Variants in UVRAG observed in about 807,000 individuals in gnomAD.
The protein encoded by UVRAG is UV radiation resistance associated, also known as UV radiation resistance-associated gene protein.
Under a neutral mutation model 78.0 loss-of-function variants are expected in UVRAG, and 19 were observed. The observed-to-expected ratio is 0.24, with a 90% confidence interval of 0.17 to 0.36. The LOEUF (loss-of-function observed/expected upper bound fraction) is 0.36. Ranked by LOEUF, UVRAG falls within the 10% of genes least tolerant of loss-of-function variation. UVRAG has a pLI of 1.00. For synonymous variants in UVRAG, 323 were observed against 324.6 expected, an observed-to-expected ratio of 1.00 and a Z score of 0.05; for missense variants, 740 against 853.8, an observed-to-expected ratio of 0.87 and a Z score of 1.66.
At chr11:75,876,996 CCTTCCG>C (rs1946797322) in intron 3 of UVRAG, among the ~76,000 whole-genome samples, 1 of 151,024 alleles carries the variant, frequency 6.6e-6, no homozygotes, top group Non-Finnish European at 1.5e-5. Context: ...GACCCTGCGG[CCTTCCG>C]CAGTGTTTGT....
At chr11:76,091,343 G>A (rs1043892161) in intron 13 of UVRAG, among the ~76,000 whole-genome samples, 1 of 152,136 alleles carries the variant, frequency 6.6e-6, no homozygotes, top group African/African-American at 2.4e-5. Flanking sequence ...TGAAATCTCA[G>A]ACTGATAAGT....
At chr11:76,001,989 A>G (rs1222397231) in intron 8 of UVRAG, among the ~76,000 whole-genome samples, 3 of 152,336 alleles carry the variant, frequency 2.0e-5, no homozygotes, top group Non-Finnish European at 4.4e-5. Flanking sequence ...AGAAATTTAT[A>G]TGAGAAGCAG....
At chr11:75,830,563 G>A (rs1429154945) in intron 1 of UVRAG, among the ~76,000 whole-genome samples, 2 of 152,004 alleles carry the variant, frequency 1.3e-5, no homozygotes, top group Non-Finnish European at 2.9e-5. Flanking sequence ...GAGCCACTGC[G>A]CCCGGCCGTA....
chr11:76,041,685 T>TAAG (rs1293596854), intron 12 of UVRAG, among the ~76,000 whole-genome samples: 1 of 152,256 alleles, frequency 6.6e-6, no homozygotes, highest in Non-Finnish European at 1.5e-5. Context: ...TGTTCATCTG[T>TAAG]AACCTGGATC....
intron 7 of UVRAG, among the ~76,000 whole-genome samples, chr11:75,980,546 C>T (rs1949367726): frequency 6.6e-6 from 1 of 152,114 alleles, no homozygotes; most frequent in African/African-American, 2.4e-5. Context: ...GCTAAATTAC[C>T]AAACTTCTGG....
intron 11 of UVRAG, among the ~76,000 whole-genome samples, chr11:76,014,212 C>A (rs1392682864): frequency 1.3e-5 from 2 of 152,162 alleles, no homozygotes; most frequent in East Asian, 1.9e-4. Flanking sequence ...AAATATAATT[C>A]TTTAGCAGTC....
intron 6 of UVRAG, among the ~76,000 whole-genome samples, chr11:75,942,790 T>C (rs1345111226): frequency 1.3e-5 from 2 of 152,134 alleles, no homozygotes; most frequent in Non-Finnish European, 2.9e-5. Context: ...AGAATTAGTG[T>C]CAAGATAAAT....
intron 13 of UVRAG, among the ~76,000 whole-genome samples, chr11:76,078,692 A>G (rs1005349850): frequency 2.0e-5 from 3 of 147,162 alleles, no homozygotes; most frequent in Non-Finnish European, 3.0e-5. Context: ...TCACGAGGTC[A>G]GGAGATTGAG....
intron 7 of UVRAG, among the ~76,000 whole-genome samples, chr11:75,961,987 A>G (rs1224124665): frequency 6.6e-6 from 1 of 152,194 alleles, no homozygotes; most frequent in African/African-American, 2.4e-5. Context: ...TTAAGGAGGC[A>G]TTTCCAAAGA....
intron 1 of UVRAG, among the ~76,000 whole-genome samples, chr11:75,840,689 C>T (rs893749171): frequency 5.3e-5 from 8 of 152,234 alleles, no homozygotes; most frequent in Middle Eastern, 3.4e-3. Flanking sequence ...TCTCAATTAG[C>T]GACCAGAACT....
intron 6 of UVRAG, among the ~76,000 whole-genome samples, chr11:75,922,146 A>C (rs1947993162): frequency 6.6e-6 from 1 of 152,070 alleles, no homozygotes; most frequent in Non-Finnish European, 1.5e-5. Flanking sequence ...ATTTTGGGAA[A>C]GATGTCATTT....
intron 6 of UVRAG, among the ~76,000 whole-genome samples, chr11:75,950,544 G>C (rs779257512): frequency 6.6e-6 from 1 of 152,074 alleles, no homozygotes; most frequent in Non-Finnish European, 1.5e-5. Context: ...ATGAGCCACC[G>C]CACCCAGCCC....
At chr11:75,822,541 G>A (rs530412617) in intron 1 of UVRAG, among the ~76,000 whole-genome samples, 2 of 152,242 alleles carry the variant, frequency 1.3e-5, no homozygotes, top group African/African-American at 4.8e-5. Flanking sequence ...ACGTAAGTCT[G>A]GGTCTCTGGA....
At chr11:76,085,039 G>C (rs1382719910) in intron 13 of UVRAG, among the ~76,000 whole-genome samples, 1 of 146,300 alleles carries the variant, frequency 6.8e-6, no homozygotes, top group Non-Finnish European at 1.5e-5. Flanking sequence ...ACTCCAGCCT[G>C]GGGGACAGAG....
chr11:76,017,098 A>T, intron 12 of UVRAG, 118 bp downstream of exon 12: 2 of 636,736 alleles, frequency 3.1e-6, no homozygotes, highest in South Asian at 5.6e-5. Context: ...ACCTTTGTAG[A>T]GTGCCTCATT....
At chr11:75,982,156 T>G (rs1949407602) in intron 7 of UVRAG, among the ~76,000 whole-genome samples, 1 of 152,216 alleles carries the variant, frequency 6.6e-6, no homozygotes, top group African/African-American at 2.4e-5. Context: ...CTGGATCTTA[T>G]TTAAGCCCTC....
At chr11:76,139,569 C>T (rs763426892) in intron 14 of UVRAG, among the ~76,000 whole-genome samples, 5 of 152,152 alleles carry the variant, frequency 3.3e-5, no homozygotes, top group African/African-American at 4.8e-5. Flanking sequence ...ATCTGAAGCA[C>T]GCAAGTCAAA....
chr11:76,011,912 A>G (rs186966906), intron 11 of UVRAG, among the ~76,000 whole-genome samples: 32 of 152,250 alleles, frequency 2.1e-4, no homozygotes, highest in Non-Finnish European at 4.4e-4. Flanking sequence ...CACTTCTATC[A>G]GGAGCGATCA....
At chr11:75,889,169 C>T (rs1947159804) in intron 5 of UVRAG, among the ~76,000 whole-genome samples, 1 of 152,200 alleles carries the variant, frequency 6.6e-6, no homozygotes, top group Non-Finnish European at 1.5e-5. Context: ...TTCTACATAA[C>T]TCTTTGGGGG....
Sources: gnomAD v4.1 joint callset for allele counts (sites outside exome capture counted in the v4.1 genomes callset) on GRCh38, gnomAD v4.1.1 for gene constraint, MANE v1.5 for transcripts, NCBI Gene and HGNC (gene_info 2026-07-23, HGNC 2026-07-21) for gene names.